Variants in NIBAN1 observed in about 807,000 individuals in gnomAD.
NIBAN1 encodes niban apoptosis regulator 1, also known as protein Niban 1.
A neutral mutation model predicts 75.1 loss-of-function variants in NIBAN1; 81 were observed. The observed-to-expected ratio is 1.08, with a 90% CI of 0.90 to 1.30. The LOEUF (loss-of-function observed/expected upper bound fraction) is 1.30, where lower values mean the gene tolerates loss of function less well. Ranked by LOEUF, NIBAN1 falls within the 50% of genes most tolerant of loss-of-function variation. NIBAN1 has a pLI of 0.00. For missense variants in NIBAN1, 1,133 were observed against 1,128.1 expected (o/e 1.00, Z -0.06); for synonymous variants, 436 against 424.8 (o/e 1.03, Z -0.32).
intron 9 of NIBAN1, among the ~76,000 whole-genome samples, chr1:184,814,225 T>C (rs1654464121): frequency 1.3e-5 from 2 of 152,108 alleles, no homozygotes; most frequent in Non-Finnish European, 2.9e-5. Flanking sequence ...AAATTGGACA[T>C]GGGAATAAAA....
Position 184,899,262 on chromosome 1 carries a change from G to A in NIBAN1, c.103C>T (p.Gln35Ter), listed in dbSNP as rs748472295. ...TGATTGCAGAAAGCCACAGAGTACT[G>A]ACGACTGTAGTAGGGACTGAAGTTT... Reference protein sequence around the residue: ...IKNFSPYYSRQYSVAFCNHVR... With the variant: ...IKNFSPYYSR Residue 35 changes from glutamine (Q) to a stop codon, truncating the protein, a stop_gained, in exon 2 of 14, where the codon CAG becomes TAG. Coordinates refer to ENST00000367511, the MANE Select transcript of NIBAN1 (RefSeq NM_052966.4). LOFTEE classifies it high-confidence loss of function. The A allele has an allele frequency of 1.9e-6, 3 of 1,613,780 alleles. 1 individual carries two copies. Among genetic ancestry groups the A allele is most frequent in the South Asian group, 2.2e-5 (2 of 91,078 alleles).
In NIBAN1 at chr1:184,808,157, C is replaced by T. The variant is rs371190847; in HGVS notation, c.1252G>A (p.Glu418Lys). The T allele has an allele frequency of 2.2e-5, 35 of 1,614,022 alleles. No individual in the cohort carries two copies. Among genetic ancestry groups the T allele is most frequent in the African/African-American group, 1.7e-4 (13 of 75,006 alleles). ...PCYTKVNLLH[E>K]RLQDLKSRFR... The stretch of plus-strand genomic sequence containing the variant: ...CGGCTCTTGAGATCCTGCAGGCGCT[C>T]GTGAAGCAGGTTGACTTTAGTATAA... Residue 418 changes from glutamate to lysine, a missense_variant, in exon 10 of 14, where the codon GAG becomes AAG. Coordinates refer to ENST00000367511, the MANE Select transcript of NIBAN1 (RefSeq NM_052966.4).
At chr1:184,830,992 T>G (rs1461126444) in intron 6 of NIBAN1, among the ~76,000 whole-genome samples, 2 of 71,862 alleles carry the variant, frequency 2.8e-5, no homozygotes, top group African/African-American at 8.8e-5. Flanking sequence ...AGAGCGAGAC[T>G]CCTCTCAAAA....
intron 12 of NIBAN1, among the ~76,000 whole-genome samples, chr1:184,802,819 T>A (rs1436094348): frequency 6.6e-6 from 1 of 152,218 alleles, no homozygotes; most frequent in Non-Finnish European, 1.5e-5. Flanking sequence ...GTGGTAGTAG[T>A]ACTTGATACC....
chr1:184,878,781 C>T (rs540052978), intron 5 of NIBAN1, among the ~76,000 whole-genome samples: 6 of 152,180 alleles, frequency 3.9e-5, no homozygotes, highest in Admixed American at 2.6e-4. Flanking sequence ...CTGAAACAGA[C>T]GTCAAAGGCC....
chr1:184,947,355 G>A (rs1006912869), intron 1 of NIBAN1, among the ~76,000 whole-genome samples: 2 of 152,126 alleles, frequency 1.3e-5, no homozygotes, highest in African/African-American at 2.4e-5. Context: ...ATTCATAGAT[G>A]GAAAGTGAAA....
intron 1 of NIBAN1, among the ~76,000 whole-genome samples, chr1:184,952,440 C>T (rs1161339764): frequency 2.6e-5 from 4 of 152,162 alleles, no homozygotes; most frequent in African/African-American, 7.2e-5. Flanking sequence ...TGTTCCATGA[C>T]GTTTGAGGTT....
At chr1:184,839,386 TA>T (rs1197997485) in intron 5 of NIBAN1, among the ~76,000 whole-genome samples, 1 of 152,150 alleles carries the variant, frequency 6.6e-6, no homozygotes, top group African/African-American at 2.4e-5. Context: ...CACATGCTGT[TA>T]TAAGAAATAA....
At chr1:184,831,811 C>T (rs765089414) in intron 6 of NIBAN1, 36 bp downstream of exon 6, 1 of 1,491,504 alleles carries the variant, frequency 6.7e-7, no homozygotes, top group South Asian at 1.1e-5. Context: ...AATACCCAAA[C>T]ACAGAGAGAA....
chr1:184,868,528 G>C (rs1390456562), intron 5 of NIBAN1: 1 of 152,060 alleles, frequency 6.6e-6, no homozygotes, highest in African/African-American at 2.4e-5. Context: ...GTTTACCACA[G>C]GAACACCCTT....
In NIBAN1 at chr1:184,882,488, C is replaced by T. The variant is rs1344889151; in HGVS notation, c.601+2145G>A. ...TGGAAGTTATGCCAAATTAAGTCCA[C>T]ATAAAGCCTCAGCGAGGATAAAACA... On this transcript the variant is annotated intron_variant, in intron 5 of 13. Coordinates refer to ENST00000367511, the MANE Select transcript of NIBAN1 (RefSeq NM_052966.4). Among the ~76,000 whole-genome samples the T allele has an allele frequency of 2.6e-5, 4 of 152,306 alleles. No individual in the cohort carries two copies. The East Asian group carries it at 7.7e-4, about 29-fold the overall frequency.
At chr1:184,893,021 C>T (rs1283824855) in intron 3 of NIBAN1, among the ~76,000 whole-genome samples, 2 of 152,202 alleles carry the variant, frequency 1.3e-5, no homozygotes, top group African/African-American at 4.8e-5. Context: ...ATCCACCTGC[C>T]TTGGCCTCCC....
intron 1 of NIBAN1, among the ~76,000 whole-genome samples, chr1:184,963,289 G>T (rs908491086): frequency 1.3e-5 from 2 of 151,868 alleles, no homozygotes; most frequent in Admixed American, 1.3e-4. Context: ...CGAAAAGGGG[G>T]GAGTATCCTT....
In NIBAN1 at chr1:184,795,028, C is replaced by T; in HGVS notation, c.2736G>A (p.Lys912=). The part of the protein sequence containing the change: ...DVLLSHKDDV[K]EGEGGQESFP... ...AACTCTCCTGACCACCTTCTCCCTC[C>T]TTCACGTCATCTTTGTGTGACAGCA... The change falls in exon 14 of 14, where the codon AAG becomes AAA. Residue 912 remains lysine, a synonymous_variant. Transcript: ENST00000367511. The T allele has an allele frequency of 6.2e-7, 1 of 1,613,492 alleles. No homozygotes were observed. Among genetic ancestry groups the T allele is most frequent in the East Asian group, 2.2e-5 (1 of 44,888 alleles).
intron 5 of NIBAN1, among the ~76,000 whole-genome samples, chr1:184,867,258 G>A (rs1655983623): frequency 1.3e-5 from 2 of 151,876 alleles, no homozygotes; most frequent in Non-Finnish European, 2.9e-5. Context: ...TTAACGAATA[G>A]CCTTATTGCA....
rs376737823 is a variant in NIBAN1, at chr1:184,795,634, C to T, written c.2130G>A (p.Lys710=). ...ACGCTGTCAGCAACTTTCTGAGCGC[C>T]TTCAAAGAACCCGAGGCAGTGATGG... ...PEPITASGSL[K]ALRKLLTASV... is the part of the protein sequence containing the mutation. The change falls in exon 14 of 14, where the codon AAG becomes AAA. Residue 710 remains lysine (K), a synonymous_variant. Coordinates refer to ENST00000367511, the MANE Select transcript of NIBAN1 (RefSeq NM_052966.4). 19 of 1,614,186 alleles carry T rather than the reference C, an allele frequency of 1.2e-5. No homozygotes were observed. The East Asian group carries it at 3.8e-4, about 32-fold the overall frequency.
chr1:184,946,263 A>T (rs1658222633), intron 1 of NIBAN1, among the ~76,000 whole-genome samples: 1 of 152,240 alleles, frequency 6.6e-6, no homozygotes, highest in African/African-American at 2.4e-5. Flanking sequence ...AAGAATAGTG[A>T]TTTTCAGACT....
At chr1:184,818,547 G>T in intron 9 of NIBAN1, 91 bp downstream of exon 9, 1 of 1,239,256 alleles carries the variant, frequency 8.1e-7, no homozygotes, top group South Asian at 1.7e-5. Flanking sequence ...GGAAAGAAGG[G>T]AGGAAGGGAG....
intron 1 of NIBAN1, among the ~76,000 whole-genome samples, chr1:184,930,594 C>A (rs1336567971): frequency 6.6e-6 from 1 of 152,096 alleles, no homozygotes; most frequent in Non-Finnish European, 1.5e-5. Flanking sequence ...GAAATGTGGA[C>A]CATCAAGAGG....
Sources: allele counts gnomAD v4.1 joint callset (sites outside exome capture counted in the v4.1 genomes callset), GRCh38; gene constraint gnomAD v4.1.1; transcripts MANE v1.5; gene names NCBI Gene and HGNC (gene_info 2026-07-23, HGNC 2026-07-21).